Variants in ZNF750 observed in about 807,000 individuals in gnomAD.
ZNF750 encodes zinc finger protein 750.
ZNF750 carries 10 observed loss-of-function variants against 31.6 expected under a neutral mutation model. The observed-to-expected ratio is 0.32, with a 90% confidence interval of 0.19 to 0.54. The LOEUF is 0.54. Ranked by LOEUF, ZNF750 falls within the 20% of genes least tolerant of loss-of-function variation. The pLI, the probability that ZNF750 is intolerant of heterozygous loss-of-function variation, is 0.95. For missense variants in ZNF750, 914 were observed against 934.9 expected, an observed-to-expected ratio of 0.98 and a Z score of 0.29; for synonymous variants, 400 against 404.9, an observed-to-expected ratio of 0.99 and a Z score of 0.15.
Position 82,835,540 on chromosome 17 carries a change from A to G in ZNF750, c.-182-2904T>C, listed in dbSNP as rs1003668640. On this transcript the variant is annotated intron_variant, in intron 1 of 2. Transcript: ENST00000269394. This position sits in a 1 kb window ranked among gnomAD's most constrained non-coding sequence, Gnocchi z 4.5. The stretch of plus-strand genomic sequence containing the variant: ...TGGGTTCAAGAGATTCTCCTGCCTC[A>G]GCCTCCCTAGTAGCTGGGATTACAG... Among the ~76,000 whole-genome samples the G allele has an allele frequency of 6.6e-6, 1 of 152,228 alleles. No homozygotes were observed. Among genetic ancestry groups the G allele is most frequent in the East Asian group, 1.9e-4 (1 of 5,178 alleles).
rs1289432527 is a variant in ZNF750 at position 82,829,789 on chromosome 17, G to C, written c.*353C>G. ...AATTGTCATTTACATCAAATATGCA[G>C]CTAGAGCTAATAGAAAAACAGTTAA... On this transcript the variant is annotated 3_prime_UTR_variant, in exon 3 of 3. Transcript: ENST00000269394. 1 of 257,350 alleles carries C rather than the reference G, an allele frequency of 3.9e-6. No individual in the cohort carries two copies. Among genetic ancestry groups the C allele is most frequent in the African/African-American group, 2.2e-5 (1 of 45,108 alleles). The allele number at this position is 257,350 out of a possible 1,614,324, so 15.9% of individuals were successfully genotyped here. A position where few individuals can be genotyped will look rare whatever the true frequency, so the allele number is the denominator to read the frequency against.
intron 1 of ZNF750, among the ~76,000 whole-genome samples, chr17:82,836,251 T>A (rs2053963240): frequency 6.6e-6 from 1 of 152,180 alleles, no homozygotes; most frequent in Admixed American, 6.5e-5. Context: ...GCTCAGTCAG[T>A]GGGGCCTGTG....
chr17:82,838,503 G>C (rs2054177326), intron 1 of ZNF750: 1 of 350,242 alleles, frequency 2.9e-6, no homozygotes, highest in Non-Finnish European at 4.0e-6. Context: ...CAAGGAGCCT[G>C]CTCGGCTGGA....
intron 1 of ZNF750, among the ~76,000 whole-genome samples, chr17:82,837,145 A>G (rs1316980311): frequency 6.6e-6 from 1 of 152,246 alleles, no homozygotes; most frequent in Non-Finnish European, 1.5e-5. Context: ...AGTAAGTGGG[A>G]TAACATTGTT....
chr17:82,838,430 C>T (rs1455011735), intron 1 of ZNF750, among the ~76,000 whole-genome samples: 1 of 152,084 alleles, frequency 6.6e-6, no homozygotes, highest in Admixed American at 6.5e-5. Context: ...GCTTGTCATG[C>T]GTCCTAACCT....
chr17:82,830,562 CTT>C lies in ZNF750; in HGVS notation c.1750_1751del (p.Lys584AspfsTer7). On this transcript the variant is annotated frameshift_variant, in exon 3 of 3. Coordinates refer to ENST00000269394, the MANE Select transcript of ZNF750 (RefSeq NM_024702.3). LOFTEE classifies it low-confidence loss of function (END_TRUNC). ...CATCCTCAGAACCTTCTGTCCCAGT[CTT>C]CTGTGGAACAGCAGCAGCAGGTTCT... ...AAEPAAAVPQ[K>X]TGTEGSEDGP... The C allele has an allele frequency of 6.2e-7, 1 of 1,614,066 alleles. No individual in the cohort carries two copies.
Position 82,831,147 on chromosome 17 carries a change from C to A in ZNF750, c.1308G>T (p.Lys436Asn). Residue 436 changes from lysine to asparagine, a missense_variant, in exon 2 of 3, where the codon AAG becomes AAT. Physicochemically the swap from Lys to Asn is moderately conservative, Grantham distance 94. This residue lies in a region of ZNF750 where 880 missense variants were observed against 868.9 expected (regional missense o/e 1.01). Coordinates refer to ENST00000269394, the MANE Select transcript of ZNF750 (RefSeq NM_024702.3). This position sits in a 1 kb window ranked among gnomAD's most constrained non-coding sequence, Gnocchi z 4.6. ...GTCTTCCCAGTGCGCTGGAGGCTGC[C>A]TTGTTGGAGAGGTCGTACAGGCCTT... The part of the protein sequence containing the change: ...TCEGLYDLSN[K>N]AASSALGRLY... The A allele has an allele frequency of 6.2e-7, 1 of 1,614,124 alleles. No individual in the cohort carries two copies. The highest frequency in any genetic ancestry group is 8.5e-7 in the Non-Finnish European group (1 of 1,180,022).
In ZNF750 at chr17:82,830,046, A is replaced by T; in HGVS notation, c.*96T>A. The T allele has an allele frequency of 6.4e-7, 1 of 1,565,982 alleles. No individual in the cohort carries two copies. Among genetic ancestry groups the T allele is most frequent in the Non-Finnish European group, 8.7e-7 (1 of 1,150,194 alleles). On this transcript the variant is annotated 3_prime_UTR_variant, in exon 3 of 3. Coordinates refer to ENST00000269394, the MANE Select transcript of ZNF750 (RefSeq NM_024702.3). Reference sequence around the variant, plus strand: ...TTGAGAAGCAGCAGCTGCATTTGTAAAAATGTGAAAGTGCCAGTTCAGAGG... The same window carrying T: ...TTGAGAAGCAGCAGCTGCATTTGTATAAATGTGAAAGTGCCAGTTCAGAGG...
At chr17:82,836,615 C>T (rs549890025) in intron 1 of ZNF750, among the ~76,000 whole-genome samples, 24 of 152,070 alleles carry the variant, frequency 1.6e-4, no homozygotes, top group African/African-American at 5.8e-4. Flanking sequence ...GCAAATGATT[C>T]CCTCAGGATT....
chr17:82,832,613 C>CCGCCAGATGACGGAGG lies in ZNF750; in HGVS notation c.-160_-159insCCTCCGTCATCTGGCG. ...CTGCGTGCTGAGGGTCTGGCGAGAGCCTCCGTCATCTGGCGGCTGGGAGCT... is the reference window on the plus strand; with the variant it reads ...CTGCGTGCTGAGGGTCTGGCGAGAGCCGCCAGATGACGGAGGCTCCGTCATCTGGCGGCTGGGAGCT... On this transcript the variant is annotated 5_prime_UTR_variant, in exon 2 of 3. It removes the in-frame stop codon of an upstream open reading frame in the 5' UTR. Transcript: ENST00000269394. This position sits in a 1 kb window ranked among gnomAD's most constrained non-coding sequence, Gnocchi z 4.9. 1 of 691,778 alleles carries CCGCCAGATGACGGAGG rather than the reference C, an allele frequency of 1.4e-6. No homozygotes were observed. The highest frequency in any genetic ancestry group is 2.5e-6 in the Non-Finnish European group (1 of 398,624). The allele number at this position is 691,778 out of a possible 1,614,324, so 42.9% of individuals were successfully genotyped here.
rs1162796814 is a variant in ZNF750 at position 82,835,537 on chromosome 17, C to T, written c.-182-2901G>A. On this transcript the variant is annotated intron_variant, in intron 1 of 2. Transcript: ENST00000269394. The surrounding 1 kb of genome is among the most constrained non-coding windows in gnomAD (Gnocchi z 4.5). ...TCCTGGGTTCAAGAGATTCTCCTGC[C>T]TCAGCCTCCCTAGTAGCTGGGATTA... 6.6e-6 allele frequency among the ~76,000 whole-genome samples: 1 copy of T among 152,164 alleles called. No homozygotes were observed. Among genetic ancestry groups the T allele is most frequent in the African/African-American group, 2.4e-5 (1 of 41,436 alleles).
chr17:82,838,859 ACAGTC>A, intron 1 of ZNF750: 1 of 985,410 alleles, frequency 1.0e-6, no homozygotes, highest in Non-Finnish European at 1.2e-6. Flanking sequence ...TCACCACTTT[ACAGTC>A]GCCGCCTCAT....
rs202180755 is a variant in ZNF750, at chr17:82,831,511, A to C, written c.944T>G (p.Leu315Arg). The C allele has an allele frequency of 9.3e-6, 15 of 1,614,112 alleles. No homozygotes were observed. Among genetic ancestry groups the C allele is most frequent in the Non-Finnish European group, 1.2e-5 (14 of 1,180,018 alleles). ...YRFFQQYPSN[L>R]PIPYGFYRPE... is the part of the protein sequence containing the mutation. Reference sequence around the variant, plus strand: ...CCTGTAAAATCCGTAAGGAATCGGCAGGTTAGAGGGATATTGCTGGAAAAA... The same window carrying C: ...CCTGTAAAATCCGTAAGGAATCGGCCGGTTAGAGGGATATTGCTGGAAAAA... The change falls in exon 2 of 3, where the codon CTG (leucine) becomes CGG (arginine). Residue 315 changes from leucine to arginine, a missense_variant. By Grantham distance (102) the Leu-to-Arg change is moderately radical (BLOSUM62 -2). This residue lies in a region of ZNF750 where 880 missense variants were observed against 868.9 expected (regional missense o/e 1.01). Coordinates refer to ENST00000269394, the MANE Select transcript of ZNF750 (RefSeq NM_024702.3). This position sits in a 1 kb window ranked among gnomAD's most constrained non-coding sequence, Gnocchi z 4.6.
In ZNF750 at chr17:82,830,835, G is replaced by A. The variant is rs144455140; in HGVS notation, c.1479C>T (p.Ser493=). The A allele has an allele frequency of 2.0e-5, 32 of 1,613,186 alleles. No homozygotes were observed. Among genetic ancestry groups the A allele is most frequent in the Middle Eastern group, 1.6e-4 (1 of 6,062 alleles). Residue 493 remains serine, a synonymous_variant, in exon 3 of 3, where the codon AGC becomes AGT. Transcript: ENST00000269394. ...GCGCGGCCTCCGAGACGAGAGAGGC[G>A]CTTCCGGTCGGAGCAGGAGGGTCTC... is the stretch of plus-strand genomic sequence containing the variant. The part of the protein sequence containing the change: ...VNGDPPAPTG[S]ASLVSEAAPS...
intron 1 of ZNF750, among the ~76,000 whole-genome samples, chr17:82,837,239 C>T (rs1490933944): frequency 6.6e-6 from 1 of 152,182 alleles, no homozygotes; most frequent in Non-Finnish European, 1.5e-5. Context: ...GATGAAGAAA[C>T]CAAACCCGAC....
intron 1 of ZNF750, chr17:82,839,064 A>C (rs1405242032): frequency 2.5e-6 from 2 of 812,486 alleles, no homozygotes; most frequent in African/African-American, 3.7e-5. Context: ...TAACAACCAA[A>C]CAGAAACTTA....
chr17:82,836,244 C>T (rs932386775), intron 1 of ZNF750, among the ~76,000 whole-genome samples: 1 of 152,242 alleles, frequency 6.6e-6, no homozygotes, highest in African/African-American at 2.4e-5. Context: ...CCAGCCAGCT[C>T]AGTCAGTGGG....
At chr17:82,837,226 A>G (rs1408894008) in intron 1 of ZNF750, among the ~76,000 whole-genome samples, 3 of 152,180 alleles carry the variant, frequency 2.0e-5, no homozygotes, top group Non-Finnish European at 4.4e-5. Context: ...TGAGGTTTAT[A>G]AGGATGAAGA....
chr17:82,830,276 A>G lies in ZNF750; in HGVS notation c.2038T>C (p.Cys680Arg). 6.2e-7 allele frequency: 1 copy of G among 1,614,184 alleles called. No homozygotes were observed. The highest frequency in any genetic ancestry group is 8.5e-7 in the Non-Finnish European group (1 of 1,180,034). Residue 680 changes from cysteine to arginine, a missense_variant, in exon 3 of 3, where the codon TGT becomes CGT. By Grantham distance (180) the Cys-to-Arg change is radical (BLOSUM62 -3). Coordinates refer to ENST00000269394, the MANE Select transcript of ZNF750 (RefSeq NM_024702.3). Reference protein sequence around the residue: ...LSSMESQEAQCDLRPKGQKRT... With the variant: ...LSSMESQEAQRDLRPKGQKRT... ...TTTTGTCCTTTGGGTCTGAGGTCAC[A>G]CTGGGCCTCTTGGCTCTCCATGGAG...
Sources: gnomAD v4.1 joint callset for allele counts (sites outside exome capture counted in the v4.1 genomes callset) on GRCh38, gnomAD v4.1.1 for gene constraint, gnomAD v4.1.1 regional missense constraint, Gnocchi (gnomAD v3.1) non-coding constraint, MANE v1.5 for transcripts, NCBI Gene and HGNC (gene_info 2026-07-23, HGNC 2026-07-21) for gene names.